The following CDYL2 variants were observed in gnomAD, a reference collection of about 807,000 sequenced individuals.
CDYL2 encodes the protein chromodomain Y-like protein 2.
A neutral mutation model predicts 49.4 loss-of-function variants in CDYL2; 23 were observed. The observed-to-expected ratio is 0.47, with a 90% CI of 0.34 to 0.66. CDYL2 has a LOEUF of 0.66. CDYL2 is among the 30% of genes least tolerant of loss of function. The pLI is 0.01. For missense variants in CDYL2, 678 were observed against 656.4 expected, an observed-to-expected ratio of 1.03 and a Z score of -0.36; for synonymous variants, 360 against 268.8, an observed-to-expected ratio of 1.34 and a Z score of -3.32.
At chr16:80,765,725 TCG>T (rs1906696703) in intron 1 of CDYL2, among the ~76,000 whole-genome samples, 1 of 87,550 alleles carries the variant, frequency 1.1e-5, no homozygotes, top group Non-Finnish European at 2.0e-5. Context: ...GGAGTATTAA[TCG>T]CAAAAAAAAA....
chr16:80,785,822 A>G (rs1456007843), intron 1 of CDYL2, among the ~76,000 whole-genome samples: 1 of 152,208 alleles, frequency 6.6e-6, no homozygotes, highest in Non-Finnish European at 1.5e-5. Context: ...ATCTACCGTC[A>G]TCCGATCTTT....
intron 1 of CDYL2, among the ~76,000 whole-genome samples, chr16:80,747,491 G>T (rs1905972260): frequency 6.6e-6 from 1 of 152,178 alleles, no homozygotes; most frequent in African/African-American, 2.4e-5. Context: ...TAGACACAAG[G>T]CCTGGGCCTA....
In CDYL2 at chr16:80,632,472, T is replaced by C. The variant is rs147091125; in HGVS notation, c.834+547A>G. Among the ~76,000 whole-genome samples the C allele has an allele frequency of 8.3e-3, 1,268 of 152,374 alleles. 28 individuals carry two copies. The highest frequency in any genetic ancestry group is 0.029 in the African/African-American group (1,192 of 41,582). ...GTTTCTCCTTGGGGTGATGAAGATG[T>C]TCTGGAATTCAGTAGTGATGATGCT... On this transcript the variant is annotated intron_variant, in intron 3 of 6. Transcript: ENST00000570137.
At chr16:80,703,581 T>C (rs2142503518) in intron 1 of CDYL2, among the ~76,000 whole-genome samples, 1 of 152,232 alleles carries the variant, frequency 6.6e-6, no homozygotes, top group East Asian at 1.9e-4. Context: ...CACCCTGTGG[T>C]GGCTCAGGCC....
At chr16:80,664,422 C>A (rs1055525493) in intron 2 of CDYL2, among the ~76,000 whole-genome samples, 3 of 152,196 alleles carry the variant, frequency 2.0e-5, no homozygotes, top group Non-Finnish European at 4.4e-5. Flanking sequence ...GCTCCGGTGT[C>A]CTGGGCCTTC....
chr16:80,781,024 T>C (rs1338235446), intron 1 of CDYL2, among the ~76,000 whole-genome samples: 1 of 152,206 alleles, frequency 6.6e-6, no homozygotes. Context: ...AAAACACTTC[T>C]CTATGTTACC....
chr16:80,639,472 G>A (rs1907983586), intron 2 of CDYL2, among the ~76,000 whole-genome samples: 1 of 152,082 alleles, frequency 6.6e-6, no homozygotes, highest in African/African-American at 2.4e-5. Flanking sequence ...TAAGTGAAGG[G>A]ATAAACAAAC....
chr16:80,709,678 T>A (rs1329609835), intron 1 of CDYL2, among the ~76,000 whole-genome samples: 1 of 152,006 alleles, frequency 6.6e-6, no homozygotes, highest in Non-Finnish European at 1.5e-5. Context: ...CAGAAAAACC[T>A]ATTTCACAAC....
chr16:80,668,933 T>G (rs1335480637), intron 2 of CDYL2, among the ~76,000 whole-genome samples: 1 of 151,918 alleles, frequency 6.6e-6, no homozygotes, highest in East Asian at 1.9e-4. Context: ...AAAATTAAAA[T>G]TAAATGCTTA....
chr16:80,743,124 G>A (rs914238407), intron 1 of CDYL2, among the ~76,000 whole-genome samples: 4 of 152,132 alleles, frequency 2.6e-5, no homozygotes, highest in African/African-American at 4.8e-5. Context: ...GTAGCATGTC[G>A]TCATTTTTGT....
intron 1 of CDYL2, among the ~76,000 whole-genome samples, chr16:80,762,667 C>T (rs1906572343): frequency 6.6e-6 from 1 of 152,190 alleles, no homozygotes; most frequent in African/African-American, 2.4e-5. Context: ...CCAAAATTAT[C>T]CTTTTGGAGC....
chr16:80,680,652 G>A (rs1909933429), intron 2 of CDYL2, among the ~76,000 whole-genome samples: 1 of 152,204 alleles, frequency 6.6e-6, no homozygotes, highest in African/African-American at 2.4e-5. Flanking sequence ...GCAAGGCAGA[G>A]AAACTATGAC....
intron 2 of CDYL2, among the ~76,000 whole-genome samples, chr16:80,669,754 G>C (rs1198234804): frequency 6.6e-6 from 1 of 152,184 alleles, no homozygotes; most frequent in Non-Finnish European, 1.5e-5. Context: ...CGCTGCAAAA[G>C]CTCCCTGAGC....
At chr16:80,687,961 A>C (rs1365884758) in intron 1 of CDYL2, among the ~76,000 whole-genome samples, 1 of 152,210 alleles carries the variant, frequency 6.6e-6, no homozygotes, top group Non-Finnish European at 1.5e-5. Flanking sequence ...TGACCCCTTA[A>C]AACAGTCAAC....
chr16:80,664,114 C>T (rs1909162042), intron 2 of CDYL2, among the ~76,000 whole-genome samples: 1 of 152,116 alleles, frequency 6.6e-6, no homozygotes. Context: ...TCATTTTTAT[C>T]ACCTTTTCTT....
At chr16:80,689,731 A>C (rs1401043822) in intron 1 of CDYL2, among the ~76,000 whole-genome samples, 1 of 152,250 alleles carries the variant, frequency 6.6e-6, no homozygotes, top group Non-Finnish European at 1.5e-5. Context: ...ACCAGCGTGC[A>C]ACAAGAAACC....
At chr16:80,769,871 G>A (rs765828962) in intron 1 of CDYL2, among the ~76,000 whole-genome samples, 47 of 152,078 alleles carry the variant, frequency 3.1e-4, no homozygotes, top group Admixed American at 2.3e-3. Context: ...TACACAACAC[G>A]TATTCTTAAT....
Position 80,612,132 on chromosome 16 carries a change from G to A in CDYL2, c.1218+494C>T, listed in dbSNP as rs1018378618. 6.6e-6 allele frequency among the ~76,000 whole-genome samples: 1 copy of A among 152,206 alleles called. No individual in the cohort carries two copies. The highest frequency in any genetic ancestry group is 1.5e-5 in the Non-Finnish European group (1 of 68,032). The stretch of plus-strand genomic sequence containing the variant: ...ATGGCCAATACCACATGAGTGGAGG[G>A]GAAGACGCCCCTGCCGGCCTGGCCC... On this transcript the variant is annotated intron_variant, in intron 5 of 6. Transcript: ENST00000570137. The surrounding 1 kb of genome is among the most constrained non-coding windows in gnomAD (Gnocchi z 5.0).
intron 1 of CDYL2, among the ~76,000 whole-genome samples, chr16:80,744,725 G>T (rs1216113736): frequency 6.6e-6 from 1 of 152,148 alleles, no homozygotes; most frequent in Non-Finnish European, 1.5e-5. Context: ...GGTTTTAGTG[G>T]CATGGGTCAA....
Sources: allele counts gnomAD v4.1 joint callset (sites outside exome capture counted in the v4.1 genomes callset), GRCh38; gene constraint gnomAD v4.1.1; non-coding constraint Gnocchi (gnomAD v3.1); transcripts MANE v1.5; gene names NCBI Gene and HGNC (gene_info 2026-07-23, HGNC 2026-07-21).